The following JUP variants were observed in gnomAD, a reference collection of about 807,000 sequenced individuals.
JUP encodes the protein junction plakoglobin.
JUP carries 28 observed loss-of-function variants against 71.1 expected under a neutral mutation model. The ratio of observed to expected loss-of-function variants is 0.39; its 90% CI spans 0.29 to 0.54. The LOEUF is 0.54. Ranked by LOEUF, JUP falls within the 20% of genes least tolerant of loss-of-function variation. The pLI is 0.62. For synonymous variants in JUP, 401 were observed against 438.9 expected, an observed-to-expected ratio of 0.91 and a Z score of 1.08; for missense variants, 869 against 1,030.1, an observed-to-expected ratio of 0.84 and a Z score of 2.14.
At chr17:41,755,979 C>CT in intron 13 of JUP, 84 bp from the exon 14 acceptor site, 1 of 1,514,452 alleles carries the variant, frequency 6.6e-7, no homozygotes, top group Non-Finnish European at 8.9e-7. Flanking sequence ...GCTGCCTCCT[C>CT]TACCCATGCC....
Position 41,762,176 on chromosome 17 carries a change from A to AGTGTGTGT in JUP, c.1497+799_1497+806dup, listed in dbSNP as rs137970272. Among the ~76,000 whole-genome samples the AGTGTGTGT allele has an allele frequency of 1.8e-3, 82 of 44,822 alleles. 1 individual carries two copies. Among genetic ancestry groups the AGTGTGTGT allele is most frequent in the African/African-American group, 8.5e-3 (79 of 9,338 alleles). 29.4% of individuals were successfully genotyped at this position (44,822 alleles called of 152,430 possible). On this transcript the variant is annotated intron_variant, in intron 8 of 13. Transcript: ENST00000393931. ...GAGAGAGAGAGAGAGAGAGAGAGAG[A>AGTGTGTGT]GTGTGTGTGTGTGTGTGTGTGTGTG...
chr17:41,757,813 G>A, intron 10 of JUP, 29 bp from the exon 11 acceptor site: 1 of 1,588,772 alleles, frequency 6.3e-7, no homozygotes, highest in South Asian at 1.2e-5. Flanking sequence ...GGAAGCAGGG[G>A]AGAGGTGGAA....
At position 41,757,626 on chromosome 17, in the gene JUP, C is replaced by G. The variant is rs730880115; in HGVS notation, c.1924+8G>C. 6.4e-5 allele frequency: 103 copies of G among 1,613,764 alleles called. No homozygotes were observed. The highest frequency in any genetic ancestry group is 2.5e-5 in the Non-Finnish European group (29 of 1,179,906). ...TGGGACCCAGCCTCCTGCCCTCCCC[C>G]AGCTCACCAGTGCCCTCGTTGCGGG... is the stretch of plus-strand genomic sequence containing the variant. On this transcript the variant is annotated splice_region_variant and intron_variant, in intron 11 of 13. Coordinates refer to ENST00000393931, the MANE Select transcript of JUP (RefSeq NM_002230.4).
At chr17:41,775,977 C>A in intron 1 of JUP, 1 of 985,414 alleles carries the variant, frequency 1.0e-6, no homozygotes, top group Non-Finnish European at 1.2e-6. Context: ...CCCACCAGAG[C>A]TACACCAGGC....
At chr17:41,772,048 C>G (rs113144318) in intron 1 of JUP, 186 bp from the exon 2 acceptor site, 11 of 673,434 alleles carry the variant, frequency 1.6e-5, no homozygotes, top group African/African-American at 3.5e-5. Flanking sequence ...GGGCTGCCCA[C>G]GACGAGATAC....
intron 4 of JUP, among the ~76,000 whole-genome samples, chr17:41,768,092 C>T (rs1916006607): frequency 6.6e-6 from 1 of 152,072 alleles, no homozygotes; most frequent in Non-Finnish European, 1.5e-5. Context: ...GGTGAAACCC[C>T]GTCTCTACTA....
Position 41,755,809 on chromosome 17 carries a change from GGTAGTC to G in JUP, c.2167_2172del (p.Asp723_Tyr724del), listed in dbSNP as rs782439900. The stretch of plus-strand genomic sequence containing the variant: ...AGGCCGTCGCTGTAGGTGTCGATGG[GGTAGTC>G]TCCATCCATGTCCATGTGCATCTCC... On this transcript the variant is annotated inframe_deletion, in exon 14 of 14. Coordinates refer to ENST00000393931, the MANE Select transcript of JUP (RefSeq NM_002230.4). The G allele has an allele frequency of 6.6e-5, 107 of 1,613,072 alleles. No homozygotes were observed. The highest frequency in any genetic ancestry group is 8.7e-5 in the Non-Finnish European group (103 of 1,179,600).
chr17:41,760,584 C>T (rs1281410314), intron 8 of JUP, among the ~76,000 whole-genome samples: 1 of 149,184 alleles, frequency 6.7e-6, no homozygotes, highest in Non-Finnish European at 1.5e-5. Context: ...TTTTCCAAGA[C>T]GGAGTCTCTC....
intron 8 of JUP, among the ~76,000 whole-genome samples, chr17:41,762,160 AGAGAGAGAGAGAGAGAGT>A (rs66889812): frequency 0.079 from 8,333 of 105,126 alleles, 91 homozygotes; most frequent in Middle Eastern, 0.13. Flanking sequence ...AGAGAGAGAG[AGAGAGAGAGAGAGAGAGT>A]GTGTGTGTGT....
intron 1 of JUP, among the ~76,000 whole-genome samples, chr17:41,775,398 C>T (rs978816805): frequency 6.6e-6 from 1 of 152,212 alleles, no homozygotes; most frequent in South Asian, 2.1e-4. Flanking sequence ...ACCAGCCCCA[C>T]CCTTCTCCTT....
intron 5 of JUP, 60 bp from the exon 6 acceptor site, chr17:41,765,127 C>T (rs1597808764): frequency 7.8e-6 from 12 of 1,532,254 alleles, no homozygotes; most frequent in East Asian, 6.8e-5. Context: ...AACAAGGAAG[C>T]GCGGGACAGG....
rs9890858 is a variant in JUP at position 41,756,329 on chromosome 17, A to G, written c.2047-115T>C. On this transcript the variant is annotated intron_variant, in intron 12 of 13. Coordinates refer to ENST00000393931, the MANE Select transcript of JUP (RefSeq NM_002230.4). ...AAAAGAGGGGGCCAGGCTGGGTGCC[A>G]TGGCTCACGCCTGTAATCCCAGCAC... 767,829 of 1,044,088 alleles carry G rather than the reference A, an allele frequency of 0.74. 287,705 individuals are homozygous for G. Among genetic ancestry groups the G allele is most frequent in the Non-Finnish European group, 0.78 (532,779 of 683,832 alleles). 64.7% of individuals were successfully genotyped at this position (1,044,088 alleles called of 1,614,324 possible).
At chr17:41,755,958 C>T (rs1555597582) in intron 13 of JUP, 63 bp from the exon 14 acceptor site, 3 of 1,563,308 alleles carry the variant, frequency 1.9e-6, no homozygotes, top group East Asian at 2.3e-5. Flanking sequence ...GAGCAGTCTG[C>T]ACAGCCTTCA....
intron 4 of JUP, among the ~76,000 whole-genome samples, chr17:41,768,717 A>T (rs901553220): frequency 6.6e-6 from 1 of 152,204 alleles, no homozygotes; most frequent in South Asian, 2.1e-4. Context: ...ATCCCCTGCC[A>T]TTAAGCGATT....
In JUP at chr17:41,769,407, C is replaced by A; in HGVS notation, c.468+11G>T. Reference sequence around the variant, plus strand: ...TGCCCAGCCCCCACCCTAGCAGGGACCCTCACAGACCGGGTCCTCGTCGTT... The same window carrying A: ...TGCCCAGCCCCCACCCTAGCAGGGAACCTCACAGACCGGGTCCTCGTCGTT... On this transcript the variant is annotated intron_variant, in intron 3 of 13. Coordinates refer to ENST00000393931, the MANE Select transcript of JUP (RefSeq NM_002230.4). 1 of 1,608,072 alleles carries A rather than the reference C, an allele frequency of 6.2e-7. No homozygotes were observed. The highest frequency in any genetic ancestry group is 1.1e-5 in the South Asian group (1 of 90,098).
chr17:41,771,727 A>G lies in JUP; in HGVS notation c.128T>C (p.Met43Thr), dbSNP rs1916678120. 1 of 1,614,120 alleles carries G rather than the reference A, an allele frequency of 6.2e-7. No homozygotes were observed. The highest frequency in any genetic ancestry group is 2.2e-5 in the East Asian group (1 of 44,872). ...CVPSVSSKGI[M>T]EEDEACGRQY... is the part of the protein sequence containing the mutation. ...GCGCCCGCAGGCCTCATCCTCCTCCATGATGCCCTTGCTGCTGACGGAGGG... is the reference window on the plus strand; with the variant it reads ...GCGCCCGCAGGCCTCATCCTCCTCCGTGATGCCCTTGCTGCTGACGGAGGG... The change falls in exon 2 of 14, where the codon ATG (methionine) becomes ACG (threonine). Residue 43 changes from methionine (M) to threonine (T), a missense_variant. Coordinates refer to ENST00000393931, the MANE Select transcript of JUP (RefSeq NM_002230.4).
At chr17:41,770,113 AT>A in intron 2 of JUP, among the ~76,000 whole-genome samples, 1 of 152,126 alleles carries the variant, frequency 6.6e-6, no homozygotes, top group Non-Finnish European at 1.5e-5. Flanking sequence ...TCCCTTACCC[AT>A]CAGGTCTGTT....
At chr17:41,757,565 T>C in intron 11 of JUP, 29 bp from the exon 12 acceptor site, 1 of 1,614,098 alleles carries the variant, frequency 6.2e-7, no homozygotes, top group Non-Finnish European at 8.5e-7. Context: ...AAAAGCCAGG[T>C]TAAACGTCGG....
chr17:41,772,054 G>A (rs1916743928), intron 1 of JUP, 192 bp from the exon 2 acceptor site: 2 of 668,128 alleles, frequency 3.0e-6, no homozygotes, highest in Non-Finnish European at 5.4e-6. Flanking sequence ...CCCACGACGA[G>A]ATACCCTGGG....
Sources: gnomAD v4.1 joint callset for allele counts (sites outside exome capture counted in the v4.1 genomes callset) on GRCh38, gnomAD v4.1.1 for gene constraint, MANE v1.5 for transcripts, NCBI Gene and HGNC (gene_info 2026-07-23, HGNC 2026-07-21) for gene names.